Variants in EPB41L4A observed in about 807,000 individuals in gnomAD.
The protein encoded by EPB41L4A is band 4.1-like protein 4A.
In EPB41L4A, 100 loss-of-function variants were observed where a neutral mutation model predicts 108.6. The ratio of observed to expected loss-of-function variants is 0.92; its 90% CI spans 0.78 to 1.09. EPB41L4A has a LOEUF of 1.09. Ranked by LOEUF, EPB41L4A falls within the 50% of genes least tolerant of loss-of-function variation. EPB41L4A has a pLI of 0.00. For missense variants in EPB41L4A, 1,030 were observed against 842.7 expected, an observed-to-expected ratio of 1.22 and a Z score of -2.75; for synonymous variants, 319 against 289.0, an observed-to-expected ratio of 1.10 and a Z score of -1.05.
At chr5:112,342,121 C>G (rs1218630742) in intron 1 of EPB41L4A, among the ~76,000 whole-genome samples, 1 of 152,132 alleles carries the variant, frequency 6.6e-6, no homozygotes, top group Admixed American at 6.5e-5. Context: ...ATATTAAAAT[C>G]TTCCCTTTTA....
At chr5:112,346,530 C>T (rs1217874981) in intron 1 of EPB41L4A, among the ~76,000 whole-genome samples, 1 of 151,970 alleles carries the variant, frequency 6.6e-6, no homozygotes, top group Non-Finnish European at 1.5e-5. Context: ...CCTGTATGCT[C>T]TTACCTAACA....
At chr5:112,298,347 G>A (rs1754144874) in intron 2 of EPB41L4A, among the ~76,000 whole-genome samples, 1 of 152,054 alleles carries the variant, frequency 6.6e-6, no homozygotes, top group African/African-American at 2.4e-5. Flanking sequence ...TTATTACATT[G>A]AGGTATGTCC....
At chr5:112,359,163 T>C (rs1376200645) in intron 1 of EPB41L4A, among the ~76,000 whole-genome samples, 2 of 152,228 alleles carry the variant, frequency 1.3e-5, no homozygotes, top group African/African-American at 2.4e-5. Context: ...ATTTAAGATT[T>C]GTATACTTTA....
At chr5:112,419,793 G>C (rs1004689269), upstream of EPB41L4A, 1 of 456,646 alleles carries the variant, frequency 2.2e-6, no homozygotes. Flanking sequence ...TCGTCGCGGG[G>C]TGTGGCTCCC....
Position 112,169,153 on chromosome 5 carries a change from A to G in EPB41L4A, c.1740-48T>C, listed in dbSNP as rs756058838. The G allele has an allele frequency of 1.5e-5, 20 of 1,357,296 alleles. No individual in the cohort carries two copies. In the East Asian group the frequency reaches 4.6e-4, roughly 31 times the overall value. 84.1% of individuals were successfully genotyped at this position (1,357,296 alleles called of 1,614,324 possible). A position where few individuals can be genotyped will look rare whatever the true frequency, so the allele number is the denominator to read the frequency against. ...TGAAAACAAACACCCAAAGTCAGAA[A>G]AGGAAAAGTAGGAGTTCTTAATATT... On this transcript the variant is annotated intron_variant, in intron 20 of 22. Transcript: ENST00000261486.
intron 1 of EPB41L4A, among the ~76,000 whole-genome samples, chr5:112,367,245 A>G (rs1759176451): frequency 1.3e-5 from 2 of 152,192 alleles, no homozygotes; most frequent in South Asian, 4.1e-4. Context: ...ATCTTGCCCA[A>G]TACTTTGTAA....
At chr5:112,397,282 T>C (rs1761420094) in intron 1 of EPB41L4A, among the ~76,000 whole-genome samples, 2 of 152,230 alleles carry the variant, frequency 1.3e-5, no homozygotes, top group Admixed American at 1.3e-4. Flanking sequence ...TGAGAGTTTC[T>C]CTGAAAAGTA....
chr5:112,176,321 G>C (rs892359355), intron 18 of EPB41L4A, among the ~76,000 whole-genome samples: 3 of 152,140 alleles, frequency 2.0e-5, no homozygotes, highest in Non-Finnish European at 4.4e-5. Flanking sequence ...CTCAAATAAA[G>C]GACAGAGCTC....
At chr5:112,215,327 A>G (rs1747542664) in intron 12 of EPB41L4A, among the ~76,000 whole-genome samples, 1 of 152,220 alleles carries the variant, frequency 6.6e-6, no homozygotes, top group Non-Finnish European at 1.5e-5. Context: ...ATCTGCAATC[A>G]AGATCAGTTA....
chr5:112,152,457 G>A (rs1012671606), intron 12 of EPB41L4A, among the ~76,000 whole-genome samples: 1 of 152,110 alleles, frequency 6.6e-6, no homozygotes, highest in Non-Finnish European at 1.5e-5. Context: ...GCCTTTGGGT[G>A]GTGATTATGT....
chr5:112,212,217 A>G (rs781767080), intron 12 of EPB41L4A, among the ~76,000 whole-genome samples: 8 of 152,034 alleles, frequency 5.3e-5, no homozygotes, highest in Non-Finnish European at 1.0e-4. Context: ...CATGTGGTAC[A>G]CGTCTGGGGC....
intron 14 of EPB41L4A, 149 bp downstream of exon 14, chr5:112,205,272 C>CA: frequency 1.5e-6 from 1 of 655,164 alleles, no homozygotes; most frequent in Non-Finnish European, 2.6e-6. Flanking sequence ...CAGCCCCTCT[C>CA]CCCTGGGTCA....
At chr5:112,243,562 C>T (rs1016487692) in intron 9 of EPB41L4A, among the ~76,000 whole-genome samples, 1 of 152,210 alleles carries the variant, frequency 6.6e-6, no homozygotes, top group Non-Finnish European at 1.5e-5. Context: ...CTTCTTCCAA[C>T]AGAAGAAGGT....
chr5:112,272,322 T>C (rs574619251), intron 4 of EPB41L4A, among the ~76,000 whole-genome samples: 41 of 151,662 alleles, frequency 2.7e-4, no homozygotes, highest in Non-Finnish European at 4.1e-4. Context: ...TGTATTTTTT[T>C]AGTAGAGACG....
At chr5:112,173,778 G>A (rs893934236) in intron 18 of EPB41L4A, 1 of 152,012 alleles carries the variant, frequency 6.6e-6, no homozygotes, top group African/African-American at 2.4e-5. Flanking sequence ...CGAGTAGCTG[G>A]GATTGCAGGC....
intron 9 of EPB41L4A, among the ~76,000 whole-genome samples, chr5:112,243,258 C>T (rs904624998): frequency 2.0e-4 from 28 of 139,798 alleles, no homozygotes; most frequent in African/African-American, 7.8e-4. Flanking sequence ...CACACACACA[C>T]ATATATATAT....
At chr5:112,239,227 A>C (rs1301558988) in intron 11 of EPB41L4A, among the ~76,000 whole-genome samples, 1 of 152,250 alleles carries the variant, frequency 6.6e-6, no homozygotes, top group East Asian at 1.9e-4. Context: ...GCATTACTAC[A>C]TGCAGGCTTC....
At chr5:112,233,808 T>C (rs1268161480) in intron 12 of EPB41L4A, among the ~76,000 whole-genome samples, 1 of 152,142 alleles carries the variant, frequency 6.6e-6, no homozygotes, top group Non-Finnish European at 1.5e-5. Context: ...TTACTCAGTT[T>C]AGCATTTTGT....
intron 1 of EPB41L4A, among the ~76,000 whole-genome samples, chr5:112,394,943 C>T (rs1761229007): frequency 6.6e-6 from 1 of 152,178 alleles, no homozygotes; most frequent in Non-Finnish European, 1.5e-5. Context: ...TAACACCACA[C>T]ATCGACAACC....
Sources: gnomAD v4.1 joint callset for allele counts (sites outside exome capture counted in the v4.1 genomes callset) on GRCh38, gnomAD v4.1.1 for gene constraint, MANE v1.5 for transcripts, NCBI Gene and HGNC (gene_info 2026-07-23, HGNC 2026-07-21) for gene names.